Variants in PIK3R1 observed in about 807,000 individuals in gnomAD.
PIK3R1 encodes the protein phosphatidylinositol 3-kinase regulatory subunit alpha.
A neutral mutation model predicts 98.0 loss-of-function variants in PIK3R1; 29 were observed. The ratio of observed to expected loss-of-function variants is 0.30; its 90% CI spans 0.22 to 0.40. PIK3R1 has a LOEUF of 0.40. Ranked by LOEUF, PIK3R1 falls within the 10% of genes least tolerant of loss-of-function variation. PIK3R1 has a pLI of 1.00. For synonymous variants in PIK3R1, 282 were observed against 311.8 expected (o/e 0.90, Z 1.01); for missense variants, 596 against 872.7 (o/e 0.68, Z 3.99).
chr5:68,296,330 C>T lies in PIK3R1; in HGVS notation c.1974C>T (p.Ala658=). The change falls in exon 15 of 16, where the codon GCC becomes GCT. Residue 658 remains alanine (A), a synonymous_variant. Transcript: ENST00000521381. ...VRESSKQGCY[A]CSVVVDGEVK... ...AGAGCAGTAAACAGGGCTGCTATGC[C>T]TGCTCTGTAGTGTATGTATCTCCAG... 6.2e-7 allele frequency: 1 copy of T among 1,613,920 alleles called. No individual in the cohort carries two copies.
At chr5:68,250,739 C>A (rs1403415980) in intron 2 of PIK3R1, among the ~76,000 whole-genome samples, 1 of 152,172 alleles carries the variant, frequency 6.6e-6, no homozygotes, top group African/African-American at 2.4e-5. Flanking sequence ...AAGTTGGAGA[C>A]TTCCTATTAT....
intron 2 of PIK3R1, among the ~76,000 whole-genome samples, chr5:68,265,445 C>T (rs376493082): frequency 5.9e-5 from 9 of 152,334 alleles, no homozygotes; most frequent in Non-Finnish European, 1.3e-4. Flanking sequence ...CTATTTCTCA[C>T]AGGGTGCCAG....
chr5:68,276,753 T>G (rs1746587726), intron 4 of PIK3R1, among the ~76,000 whole-genome samples: 1 of 152,226 alleles, frequency 6.6e-6, no homozygotes, highest in Non-Finnish European at 1.5e-5. Flanking sequence ...TAGGATAATT[T>G]TATTCATATA....
At chr5:68,273,583 C>T in intron 3 of PIK3R1, 101 bp downstream of exon 3, 1 of 969,812 alleles carries the variant, frequency 1.0e-6, no homozygotes, top group Non-Finnish European at 1.7e-6. Flanking sequence ...TTTCCTACTA[C>T]CAGCTATGTC....
intron 2 of PIK3R1, among the ~76,000 whole-genome samples, chr5:68,259,375 C>T (rs911151322): frequency 1.3e-5 from 2 of 152,182 alleles, no homozygotes; most frequent in Admixed American, 6.5e-5. Context: ...CACTGAAAGT[C>T]ATTCTTCCTC....
rs552123360 is a variant in PIK3R1 at position 68,299,763 on chromosome 5, G to A, written c.*2162G>A. On this transcript the variant is annotated 3_prime_UTR_variant, in exon 16 of 16. Transcript: ENST00000521381. ...TCTTGCAGCTGAGTGAAAAATCTGT[G>A]GAATGTATTATTTGTCCTCTTTACA... 1.7e-5 allele frequency: 4 copies of A among 233,100 alleles called. No homozygotes were observed. In the South Asian group the frequency reaches 7.2e-4, roughly 42 times the overall value. 14.4% of individuals were successfully genotyped at this position (233,100 alleles called of 1,614,324 possible).
chr5:68,300,659 T>C lies in PIK3R1; in HGVS notation c.*3058T>C, dbSNP rs570855806. The C allele has an allele frequency of 6.9e-5, 16 of 233,200 alleles. No homozygotes were observed. Among genetic ancestry groups the C allele is most frequent in the Non-Finnish European group, 1.4e-4 (16 of 118,060 alleles). The allele number at this position is 233,200 out of a possible 1,614,324, so 14.4% of individuals were successfully genotyped here. ...ATATGTGCATGGACTGTGTTTCCAG[T>C]ACACCTTTCAGCCAAAACAGATCCA... On this transcript the variant is annotated 3_prime_UTR_variant, in exon 16 of 16. Transcript: ENST00000521381.
intron 2 of PIK3R1, among the ~76,000 whole-genome samples, chr5:68,245,793 A>G (rs1165219284): frequency 1.3e-5 from 2 of 152,250 alleles, no homozygotes; most frequent in Non-Finnish European, 2.9e-5. Context: ...CCAAGGACCA[A>G]TTTAAACAGT....
intron 2 of PIK3R1, among the ~76,000 whole-genome samples, chr5:68,228,434 G>A (rs796378792): frequency 5.6e-4 from 85 of 152,232 alleles, no homozygotes; most frequent in African/African-American, 2.0e-3. Flanking sequence ...ACTTTATAAT[G>A]TTCAAATAAT....
At chr5:68,230,858 C>T (rs1561260601) in intron 2 of PIK3R1, among the ~76,000 whole-genome samples, 1 of 152,080 alleles carries the variant, frequency 6.6e-6, no homozygotes, top group Non-Finnish European at 1.5e-5. Flanking sequence ...TTATGTTCTT[C>T]GGAGAGAACC....
At chr5:68,238,831 G>A (rs887760222) in intron 2 of PIK3R1, among the ~76,000 whole-genome samples, 5 of 152,070 alleles carry the variant, frequency 3.3e-5, no homozygotes, top group African/African-American at 1.2e-4. Flanking sequence ...AAGTGTTGCC[G>A]TATTTTTCAT....
chr5:68,282,184 G>A (rs1193963214), intron 7 of PIK3R1, among the ~76,000 whole-genome samples: 2 of 152,194 alleles, frequency 1.3e-5, no homozygotes, highest in Non-Finnish European at 1.5e-5. Flanking sequence ...CGTCAAAGAA[G>A]ACTGTCAACA....
chr5:68,230,265 A>G (rs1744420657), intron 2 of PIK3R1, among the ~76,000 whole-genome samples: 1 of 152,192 alleles, frequency 6.6e-6, no homozygotes, highest in Non-Finnish European at 1.5e-5. Context: ...GATATCGTTT[A>G]CTTATTACGT....
At chr5:68,217,821 A>G (rs1295613268) in intron 1 of PIK3R1, 1 of 152,210 alleles carries the variant, frequency 6.6e-6, no homozygotes, top group Admixed American at 6.5e-5. Flanking sequence ...TAATCATATT[A>G]CTTTTTCCAG....
At chr5:68,244,177 A>AT (rs1389865202) in intron 2 of PIK3R1, among the ~76,000 whole-genome samples, 1 of 152,122 alleles carries the variant, frequency 6.6e-6, no homozygotes, top group Non-Finnish European at 1.5e-5. Flanking sequence ...ATGTAACTTG[A>AT]TTTTTCCCCC....
Position 68,295,161 on chromosome 5 carries a change from T to A in PIK3R1, c.1582T>A (p.Tyr528Asn), listed in dbSNP as rs2064492004. The A allele has an allele frequency of 6.2e-7, 1 of 1,613,852 alleles. No individual in the cohort carries two copies. The highest frequency in any genetic ancestry group is 1.3e-5 in the African/African-American group (1 of 75,020). ...EKEIQRIMHN[Y>N]DKLKSRISEI... ...TTTTGCCTGCAGGATTATGCATAAT[T>A]ATGATAAGTTGAAGTCTCGAATCAG... is the stretch of plus-strand genomic sequence containing the variant. The change falls in exon 13 of 16, where the codon TAT becomes AAT. Residue 528 changes from tyrosine (Y) to asparagine (N), a missense_variant. Physicochemically the swap from Tyr to Asn is moderately radical, Grantham distance 143. Coordinates refer to ENST00000521381, the MANE Select transcript of PIK3R1 (RefSeq NM_181523.3).
intron 2 of PIK3R1, among the ~76,000 whole-genome samples, chr5:68,229,813 GA>G (rs1305925371): frequency 6.6e-6 from 1 of 152,190 alleles, no homozygotes; most frequent in Admixed American, 6.5e-5. Context: ...CTTTTTGAGA[GA>G]AAGAGTCAAA....
intron 2 of PIK3R1, among the ~76,000 whole-genome samples, chr5:68,239,131 C>T (rs570828504): frequency 3.3e-5 from 5 of 152,270 alleles, no homozygotes; most frequent in African/African-American, 1.2e-4. Context: ...ATACACTAAA[C>T]CTCTTGTTCA....
At position 68,301,590 on chromosome 5, in the gene PIK3R1, A is replaced by T; in HGVS notation, c.*3989A>T. On this transcript the variant is annotated 3_prime_UTR_variant, in exon 16 of 16. Coordinates refer to ENST00000521381, the MANE Select transcript of PIK3R1 (RefSeq NM_181523.3). ...CTACAATCTGTTCAATGTTTTTAAA[A>T]ATCTGTTTATATGACATTGTTAAAA... 6.3e-6 allele frequency: 1 copy of T among 158,440 alleles called. No homozygotes were observed. The highest frequency in any genetic ancestry group is 2.5e-5 in the African/African-American group (1 of 40,176). The allele number at this position is 158,440 out of a possible 1,614,324, so 9.8% of individuals were successfully genotyped here. A position where few individuals can be genotyped will look rare whatever the true frequency, so the allele number is the denominator to read the frequency against.
Sources: allele counts gnomAD v4.1 joint callset (sites outside exome capture counted in the v4.1 genomes callset), GRCh38; gene constraint gnomAD v4.1.1; transcripts MANE v1.5; gene names NCBI Gene and HGNC (gene_info 2026-07-23, HGNC 2026-07-21).